Variants in NPAS3 observed in about 807,000 individuals in gnomAD.
NPAS3 encodes neuronal PAS domain protein 3, also known as neuronal PAS domain-containing protein 3.
In NPAS3, 14 loss-of-function variants were observed where a neutral mutation model predicts 73.1. The ratio of observed to expected loss-of-function variants is 0.19; its 90% CI spans 0.13 to 0.30. The LOEUF (loss-of-function observed/expected upper bound fraction) is 0.30, where lower values mean the gene tolerates loss of function less well. Ranked by LOEUF, NPAS3 falls within the 10% of genes least tolerant of loss-of-function variation. NPAS3 has a pLI of 1.00. For missense variants in NPAS3, 1,096 were observed against 1,250.0 expected (o/e 0.88, Z 1.86); for synonymous variants, 620 against 541.5 (o/e 1.14, Z -2.01).
intron 6 of NPAS3, among the ~76,000 whole-genome samples, chr14:33,707,406 G>A (rs1336063252): frequency 3.3e-5 from 5 of 151,872 alleles, no homozygotes; most frequent in Admixed American, 1.3e-4. Context: ...TGTACTCAGC[G>A]CTGTGCAAGA....
intron 2 of NPAS3, among the ~76,000 whole-genome samples, chr14:33,088,845 G>A (rs1461914344): frequency 1.3e-5 from 2 of 152,180 alleles, no homozygotes; most frequent in Non-Finnish European, 2.9e-5. Context: ...GGAACCATCA[G>A]GCAGCAACAT....
chr14:33,016,122 T>G (rs553126141), intron 1 of NPAS3, among the ~76,000 whole-genome samples: 2 of 152,142 alleles, frequency 1.3e-5, no homozygotes, highest in African/African-American at 4.8e-5. Context: ...CTCAAATGAT[T>G]GAGGAAACGA....
At chr14:33,578,046 A>G (rs2056511514) in intron 5 of NPAS3, among the ~76,000 whole-genome samples, 1 of 152,250 alleles carries the variant, frequency 6.6e-6, no homozygotes, top group Non-Finnish European at 1.5e-5. Flanking sequence ...TCTGGGCCGT[A>G]GAAAACTGTT....
At chr14:33,398,102 C>T (rs905103940) in intron 4 of NPAS3, among the ~76,000 whole-genome samples, 1 of 152,104 alleles carries the variant, frequency 6.6e-6, no homozygotes, top group Non-Finnish European at 1.5e-5. Context: ...TAAGAAAAAT[C>T]AAGTTCTAGT....
At chr14:33,342,254 G>C (rs1282512104) in intron 3 of NPAS3, among the ~76,000 whole-genome samples, 1 of 152,206 alleles carries the variant, frequency 6.6e-6, no homozygotes, top group Non-Finnish European at 1.5e-5. Context: ...CCCAGGAACA[G>C]TTCTTCAAAT....
chr14:33,797,458 A>C (rs1203865794), exon 11 of NPAS3: 14 of 1,614,010 alleles, frequency 8.7e-6, no homozygotes, highest in Non-Finnish European at 1.2e-5. Flanking sequence ...CTTCCACAGC[A>C]ATCCTGAGTA....
intron 3 of NPAS3, among the ~76,000 whole-genome samples, chr14:33,282,556 C>T (rs1412444823): frequency 6.6e-6 from 1 of 152,140 alleles, no homozygotes; most frequent in Non-Finnish European, 1.5e-5. Flanking sequence ...ATGTTTTAAC[C>T]GTATTTCTAA....
At chr14:33,782,901 A>G (rs1252928195) in intron 9 of NPAS3, among the ~76,000 whole-genome samples, 1 of 152,100 alleles carries the variant, frequency 6.6e-6, no homozygotes, top group Non-Finnish European at 1.5e-5. Context: ...AAACTAATAT[A>G]CAGCTACCTG....
chr14:33,151,908 C>A lies in NPAS3; in HGVS notation c.141-63274C>A, dbSNP rs187445019. Among the ~76,000 whole-genome samples the A allele has an allele frequency of 5.4e-4, 82 of 152,276 alleles. 1 individual carries two copies. The East Asian group carries it at 0.014, about 26-fold the overall frequency. On this transcript the variant is annotated intron_variant, in intron 2 of 11. Transcript: ENST00000356141. ...TACTCCTTTGGTACCCTTCCAGAGA[C>A]TGAGCGTATACAAGCATGTGTGGTG...
intron 3 of NPAS3, among the ~76,000 whole-genome samples, chr14:33,305,192 T>C (rs2042708097): frequency 1.3e-5 from 2 of 152,110 alleles, no homozygotes; most frequent in Admixed American, 1.3e-4. Context: ...TTTTCTTGAA[T>C]CATCATTGTA....
chr14:33,471,250 G>A (rs535275652), intron 4 of NPAS3, among the ~76,000 whole-genome samples: 379 of 152,316 alleles, frequency 2.5e-3, no homozygotes, highest in Non-Finnish European at 4.4e-3. Flanking sequence ...GACCTGAGAG[G>A]CAAGTCACGC....
intron 4 of NPAS3, among the ~76,000 whole-genome samples, chr14:33,390,957 C>T (rs1355201916): frequency 6.6e-6 from 1 of 151,932 alleles, no homozygotes; most frequent in African/African-American, 2.4e-5. Context: ...ATGCTGTGTC[C>T]TGTACTTTCT....
At chr14:33,792,069 T>C (rs1361282037) in intron 9 of NPAS3, among the ~76,000 whole-genome samples, 2 of 152,232 alleles carry the variant, frequency 1.3e-5, no homozygotes, top group African/African-American at 4.8e-5. Flanking sequence ...AAGCACATCT[T>C]GTTGCATGCA....
intron 2 of NPAS3, among the ~76,000 whole-genome samples, chr14:33,164,541 A>T (rs1216488830): frequency 6.6e-6 from 1 of 151,990 alleles, no homozygotes; most frequent in African/African-American, 2.4e-5. Flanking sequence ...GAACAACTTA[A>T]AAAAAAACCA....
chr14:33,385,335 A>G (rs1461560764), intron 4 of NPAS3, among the ~76,000 whole-genome samples: 4 of 152,136 alleles, frequency 2.6e-5, no homozygotes, highest in Non-Finnish European at 5.9e-5. Context: ...ATCTGCCACG[A>G]TGCATTTTCT....
intron 5 of NPAS3, among the ~76,000 whole-genome samples, chr14:33,656,023 C>T (rs769728435): frequency 6.6e-6 from 1 of 152,118 alleles, no homozygotes; most frequent in African/African-American, 2.4e-5. Context: ...TGTGCCCCAC[C>T]GCATTACCAG....
intron 9 of NPAS3, among the ~76,000 whole-genome samples, chr14:33,791,546 C>T (rs750207871): frequency 1.6e-4 from 25 of 152,138 alleles, no homozygotes; most frequent in Admixed American, 8.5e-4. Flanking sequence ...GCCTTTCAGC[C>T]CCCTTCGCTA....
intron 5 of NPAS3, among the ~76,000 whole-genome samples, chr14:33,662,459 A>G (rs540667537): frequency 1.3e-5 from 2 of 152,334 alleles, no homozygotes; most frequent in East Asian, 1.9e-4. Flanking sequence ...CATGAAATTT[A>G]AAGTAGTTTT....
At position 33,665,944 on chromosome 14, in the gene NPAS3, G is replaced by C. The variant is rs556921865; in HGVS notation, c.559-10267G>C. On this transcript the variant is annotated intron_variant, in intron 5 of 11. Transcript: ENST00000356141. Reference sequence around the variant, plus strand: ...ATGAGATAAAAATCATGGGTCCAGAGCTTAAATGTGTAGGATAAGAAGTTA... The same window carrying C: ...ATGAGATAAAAATCATGGGTCCAGACCTTAAATGTGTAGGATAAGAAGTTA... Among the ~76,000 whole-genome samples the C allele has an allele frequency of 2.0e-5, 3 of 152,256 alleles. No homozygotes were observed. The South Asian group carries it at 6.2e-4, about 32-fold the overall frequency.
Sources: gnomAD v4.1 joint callset for allele counts (sites outside exome capture counted in the v4.1 genomes callset) on GRCh38, gnomAD v4.1.1 for gene constraint, MANE v1.5 for transcripts, NCBI Gene and HGNC (gene_info 2026-07-23, HGNC 2026-07-21) for gene names.